ATP8A2: variants seen among roughly 807,000 people sequenced by gnomAD.
The protein encoded by ATP8A2 is ATPase phospholipid transporting 8A2, also known as phospholipid-transporting ATPase IB.
ATP8A2 carries 100 observed loss-of-function variants against 165.6 expected under a neutral mutation model. The observed-to-expected ratio is 0.60, with a 90% CI of 0.51 to 0.71. ATP8A2 has a LOEUF of 0.71. Among genes scored for constraint, ATP8A2 ranks in the 30% least tolerant of loss-of-function variants. ATP8A2 has a pLI of 0.00. For synonymous variants in ATP8A2, 543 were observed against 548.8 expected (o/e 0.99, Z 0.15); for missense variants, 1,227 against 1,479.5 (o/e 0.83, Z 2.80).
At chr13:25,392,303 A>G (rs1266438884) in intron 1 of ATP8A2, among the ~76,000 whole-genome samples, 1 of 152,242 alleles carries the variant, frequency 6.6e-6, no homozygotes, top group Non-Finnish European at 1.5e-5. Flanking sequence ...TTGGGACCCG[A>G]GTCATGTGAC....
At chr13:25,979,661 C>A (rs1269213885) in intron 35 of ATP8A2, among the ~76,000 whole-genome samples, 1 of 152,172 alleles carries the variant, frequency 6.6e-6, no homozygotes, top group Non-Finnish European at 1.5e-5. Context: ...ACGCAACAGA[C>A]ATTTATTAAA....
chr13:25,902,847 T>C (rs1953800064), intron 33 of ATP8A2, among the ~76,000 whole-genome samples: 1 of 151,990 alleles, frequency 6.6e-6, no homozygotes, highest in Admixed American at 6.6e-5. Flanking sequence ...TTTCCAGTTT[T>C]CAGTACGACA....
rs140262304 is a variant in ATP8A2 at position 25,970,570 on chromosome 13, G to A, written c.3377+1891G>A. Among the ~76,000 whole-genome samples, 407 of 152,368 alleles carry A rather than the reference G, an allele frequency of 2.7e-3. 1 individual carries two copies. Among genetic ancestry groups the A allele is most frequent in the African/African-American group, 9.3e-3 (388 of 41,584 alleles). On this transcript the variant is annotated intron_variant, in intron 35 of 36. Transcript: ENST00000381655. The stretch of plus-strand genomic sequence containing the variant: ...AATTCTGGCTTTGCTACCTACCGGT[G>A]AGGCCTTGTGCAGGATATTTCATAT...
rs770830768 is a variant in ATP8A2 at position 25,538,075 on chromosome 13, G to A, written c.581+14G>A. ...GCTGTCATCCAGGTTAGCTGTGCTA[G>A]TAGGCACCTTTTTTGCAATAAATGT... On this transcript the variant is annotated intron_variant, in intron 7 of 36. Coordinates refer to ENST00000381655, the MANE Select transcript of ATP8A2 (RefSeq NM_016529.6). The A allele has an allele frequency of 2.5e-6, 4 of 1,608,078 alleles. No homozygotes were observed. The highest frequency in any genetic ancestry group is 3.3e-5 in the Admixed American group (2 of 59,886).
intron 24 of ATP8A2, among the ~76,000 whole-genome samples, chr13:25,641,937 A>G (rs1277853310): frequency 5.3e-5 from 8 of 152,292 alleles, no homozygotes; most frequent in Admixed American, 2.0e-4. Context: ...AGCCCTGAGA[A>G]ATAATACCAC....
chr13:25,600,732 A>G (rs1196120067), intron 24 of ATP8A2, among the ~76,000 whole-genome samples: 8 of 152,170 alleles, frequency 5.3e-5, no homozygotes, highest in Non-Finnish European at 1.0e-4. Context: ...TCTTAAGCAA[A>G]TGCATCTTGT....
rs570038876 is a variant in ATP8A2, at chr13:25,529,214, T to A, written c.222-785T>A. ...GAGCTAGGAATCATATAGGTACTTTTATGGTGCAAACTTGAATAAAATGTG... is the reference window on the plus strand; with the variant it reads ...GAGCTAGGAATCATATAGGTACTTTAATGGTGCAAACTTGAATAAAATGTG... On this transcript the variant is annotated intron_variant, in intron 2 of 36. Transcript: ENST00000381655. Among the ~76,000 whole-genome samples the A allele has an allele frequency of 4.6e-5, 7 of 152,304 alleles. No individual in the cohort carries two copies. In the East Asian group the frequency reaches 1.3e-3, roughly 29 times the overall value.
intron 1 of ATP8A2, among the ~76,000 whole-genome samples, chr13:25,375,616 A>C (rs1256861672): frequency 6.6e-6 from 1 of 151,686 alleles, no homozygotes; most frequent in Admixed American, 6.6e-5. Context: ...GCCTGTCGTC[A>C]GGCTGGAGTG....
intron 27 of ATP8A2, among the ~76,000 whole-genome samples, chr13:25,810,537 C>A (rs1360615592): frequency 1.2e-4 from 18 of 146,712 alleles, no homozygotes; most frequent in Middle Eastern, 3.5e-3. Flanking sequence ...AAAAAAAAAA[C>A]AAAACACTAC....
At chr13:25,533,542 A>G (rs1176929024) in intron 6 of ATP8A2, among the ~76,000 whole-genome samples, 1 of 152,200 alleles carries the variant, frequency 6.6e-6, no homozygotes, top group Non-Finnish European at 1.5e-5. Context: ...CTGAAATCTC[A>G]AAGTATTTTC....
intron 1 of ATP8A2, among the ~76,000 whole-genome samples, chr13:25,468,218 A>G (rs1194212874): frequency 2.0e-5 from 3 of 152,204 alleles, no homozygotes; most frequent in Non-Finnish European, 2.9e-5. Flanking sequence ...GACTGAAATC[A>G]AATCTTGAGC....
chr13:25,411,527 A>G (rs1190642265), intron 1 of ATP8A2, among the ~76,000 whole-genome samples: 3 of 152,178 alleles, frequency 2.0e-5, no homozygotes, highest in Admixed American at 2.0e-4. Context: ...AATGTTTTAT[A>G]TTGTTGTTAG....
At chr13:25,819,657 T>G (rs9553663) in intron 27 of ATP8A2, among the ~76,000 whole-genome samples, 3,513 of 98,342 alleles carry the variant, frequency 0.036, 125 homozygotes, top group East Asian at 0.24. Context: ...GGGTTTTTTG[T>G]TTTTTTTTTT....
At chr13:25,478,075 C>A (rs1368194769) in intron 2 of ATP8A2, among the ~76,000 whole-genome samples, 2 of 152,088 alleles carry the variant, frequency 1.3e-5, no homozygotes, top group Non-Finnish European at 2.9e-5. Context: ...TAATTGGAAA[C>A]ATACATGATT....
chr13:25,997,758 T>C (rs984829489), intron 35 of ATP8A2, among the ~76,000 whole-genome samples: 1 of 151,788 alleles, frequency 6.6e-6, no homozygotes, highest in Non-Finnish European at 1.5e-5. Context: ...TATTTTTCCG[T>C]TCTGAAATTT....
chr13:26,025,116 C>CAAAAAAAAAAAAAAAAAAAAAAAAAAAA lies in ATP8A2; in HGVS notation c.*5152_*5153insAAAAAAAAAAAAAAAAAAAAAAAAAAAA. ...GTGAATCAATAAACACCAACAACAACAAAAAAAAAAAAAAAAAAAAAGGAA... is the reference window on the plus strand; with the variant it reads ...GTGAATCAATAAACACCAACAACAACAAAAAAAAAAAAAAAAAAAAAAAAAAAAAAAAAAAAAAAAAAAAAAAAAGGAA... On this transcript the variant is annotated 3_prime_UTR_variant, in exon 37 of 37. Transcript: ENST00000381655. The CAAAAAAAAAAAAAAAAAAAAAAAAAAAA allele has an allele frequency of 1.1e-5, 1 of 94,818 alleles. No homozygotes were observed. Among genetic ancestry groups the CAAAAAAAAAAAAAAAAAAAAAAAAAAAA allele is most frequent in the Non-Finnish European group, 2.1e-5 (1 of 48,436 alleles). 5.9% of individuals were successfully genotyped at this position (94,818 alleles called of 1,614,324 possible).
chr13:25,663,697 C>T (rs1325799209), intron 24 of ATP8A2, among the ~76,000 whole-genome samples: 1 of 152,176 alleles, frequency 6.6e-6, no homozygotes. Context: ...TGATTACTGT[C>T]TGGCTATAGA....
At chr13:25,558,108 G>A (rs904162292) in intron 13 of ATP8A2, among the ~76,000 whole-genome samples, 1 of 152,086 alleles carries the variant, frequency 6.6e-6, no homozygotes, top group African/African-American at 2.4e-5. Flanking sequence ...TGCCATGTTG[G>A]CCAGGCTGGT....
chr13:25,784,635 GAGA>G lies in ATP8A2; in HGVS notation c.2679+9680_2679+9682del, dbSNP rs200778974. On this transcript the variant is annotated intron_variant, in intron 27 of 36. Coordinates refer to ENST00000381655, the MANE Select transcript of ATP8A2 (RefSeq NM_016529.6). ...TTTTGTTTGTTTTTTTAGAATGTAA[GAGA>G]AGATTTCCTAAGTAGCATATTATTT... 4.0e-3 allele frequency among the ~76,000 whole-genome samples: 609 copies of G among 152,296 alleles called. 4 individuals are homozygous for G. Among genetic ancestry groups the G allele is most frequent in the African/African-American group, 0.014 (586 of 41,546 alleles).
Sources: gnomAD v4.1 joint callset for allele counts (sites outside exome capture counted in the v4.1 genomes callset) on GRCh38, gnomAD v4.1.1 for gene constraint, MANE v1.5 for transcripts, NCBI Gene and HGNC (gene_info 2026-07-23, HGNC 2026-07-21) for gene names.